Variants in LRMDA observed in about 807,000 individuals in gnomAD.
LRMDA encodes the protein leucine rich melanocyte differentiation associated, also known as leucine-rich melanocyte differentiation-associated protein.
LRMDA carries 18 observed loss-of-function variants against 29.8 expected under a neutral mutation model. That is an observed-to-expected ratio of 0.60 (90% CI 0.42 to 0.90). The LOEUF (loss-of-function observed/expected upper bound fraction) is 0.90. Ranked by LOEUF, LRMDA falls within the 40% of genes least tolerant of loss-of-function variation. The pLI is 0.00. For synonymous variants in LRMDA, 125 were observed against 109.4 expected (o/e 1.14, Z -0.89); for missense variants, 273 against 273.9 (o/e 1.00, Z 0.02).
chr10:75,498,381 C>A (rs1845073075), intron 2 of LRMDA, among the ~76,000 whole-genome samples: 1 of 152,156 alleles, frequency 6.6e-6, no homozygotes, highest in African/African-American at 2.4e-5. Context: ...AGGAAGGGTG[C>A]TCCACGGACT....
chr10:75,470,325 C>T (rs1007568223), intron 2 of LRMDA, among the ~76,000 whole-genome samples: 4 of 152,096 alleles, frequency 2.6e-5, no homozygotes, highest in South Asian at 2.1e-4. Flanking sequence ...GGCAAAATCT[C>T]GTCTCTACTA....
At chr10:75,999,434 A>AT (rs997694913) in intron 2 of LRMDA, among the ~76,000 whole-genome samples, 5 of 152,206 alleles carry the variant, frequency 3.3e-5, no homozygotes, top group South Asian at 2.1e-4. Flanking sequence ...CAGTTGCAGA[A>AT]TTTTTTTCCC....
intron 6 of LRMDA, among the ~76,000 whole-genome samples, chr10:76,544,734 ACACACACAC>A (rs1843399526): frequency 6.6e-6 from 1 of 151,684 alleles, no homozygotes; most frequent in African/African-American, 2.4e-5. Context: ...ACACACACAC[ACACACACAC>A]ACACACACAC....
chr10:76,481,930 T>G (rs553514802), intron 6 of LRMDA, among the ~76,000 whole-genome samples: 1 of 152,064 alleles, frequency 6.6e-6, no homozygotes, highest in African/African-American at 2.4e-5. Flanking sequence ...GACCTCCATG[T>G]ATTGCTTGAT....
intron 2 of LRMDA, among the ~76,000 whole-genome samples, chr10:75,701,302 A>T (rs192665501): frequency 1.3e-5 from 2 of 152,264 alleles, no homozygotes; most frequent in Non-Finnish European, 2.9e-5. Context: ...GAATAGAAAT[A>T]AAATTCATAC....
At chr10:75,512,382 G>A (rs1305255160) in intron 2 of LRMDA, among the ~76,000 whole-genome samples, 1 of 151,476 alleles carries the variant, frequency 6.6e-6, no homozygotes, top group African/African-American at 2.4e-5. Context: ...TTCTCCAGCT[G>A]ACAGAGTATG....
At chr10:76,415,930 A>G (rs898228743) in intron 6 of LRMDA, among the ~76,000 whole-genome samples, 4 of 152,206 alleles carry the variant, frequency 2.6e-5, no homozygotes, top group Non-Finnish European at 2.9e-5. Context: ...GCTTTGTAGA[A>G]GGGGAAATGT....
intron 5 of LRMDA, among the ~76,000 whole-genome samples, chr10:76,192,031 A>G (rs1851256482): frequency 1.3e-5 from 2 of 152,168 alleles, no homozygotes; most frequent in Admixed American, 6.5e-5. Context: ...TGGGGAAAAC[A>G]TCTATGGAGT....
intron 2 of LRMDA, among the ~76,000 whole-genome samples, chr10:75,689,477 G>A (rs957246805): frequency 6.6e-6 from 1 of 152,182 alleles, no homozygotes; most frequent in Non-Finnish European, 1.5e-5. Context: ...TGAGTCGTAA[G>A]GGGATCCCTG....
intron 6 of LRMDA, among the ~76,000 whole-genome samples, chr10:76,379,161 T>TTGTGTGTG (rs57245101): frequency 0.11 from 15,216 of 137,748 alleles, 983 homozygotes; most frequent in Admixed American, 0.16. Flanking sequence ...CTGGCCTTCT[T>TTGTGTGTG]TGTGTGTGTG....
chr10:76,155,941 G>C (rs565381812), intron 5 of LRMDA, among the ~76,000 whole-genome samples: 1 of 152,190 alleles, frequency 6.6e-6, no homozygotes. Context: ...AGCAACTCAA[G>C]GTCTAATTGT....
At chr10:75,439,418 C>A (rs1001182149) in intron 2 of LRMDA, among the ~76,000 whole-genome samples, 1 of 152,164 alleles carries the variant, frequency 6.6e-6, no homozygotes, top group Non-Finnish European at 1.5e-5. Context: ...TGCTTCTAGG[C>A]CTTGGAGTCT....
intron 5 of LRMDA, among the ~76,000 whole-genome samples, chr10:76,245,006 G>C (rs530054848): frequency 5.3e-5 from 8 of 152,160 alleles, no homozygotes; most frequent in Non-Finnish European, 1.2e-4. Context: ...TCACAGTGAG[G>C]TTGTTGGAGC....
intron 2 of LRMDA, among the ~76,000 whole-genome samples, chr10:75,580,446 T>C (rs916111046): frequency 6.6e-6 from 1 of 152,242 alleles, no homozygotes. Context: ...GAACATTCCA[T>C]GCTCATGGAT....
chr10:76,301,425 C>T (rs186115629), intron 5 of LRMDA, among the ~76,000 whole-genome samples: 5 of 152,284 alleles, frequency 3.3e-5, no homozygotes, highest in East Asian at 1.9e-4. Flanking sequence ...TCCCACAGGA[C>T]GAAGAAGCGC....
chr10:75,741,375 C>T (rs1286177608), intron 2 of LRMDA, among the ~76,000 whole-genome samples: 1 of 152,108 alleles, frequency 6.6e-6, no homozygotes, highest in Admixed American at 6.5e-5. Flanking sequence ...GTTGACTCCT[C>T]CTTACCTTTC....
intron 2 of LRMDA, among the ~76,000 whole-genome samples, chr10:75,976,695 G>A (rs1847077443): frequency 6.6e-6 from 1 of 152,182 alleles, no homozygotes. Context: ...TGTTTACAAT[G>A]ACCACAGGAT....
chr10:75,831,710 A>G (rs867262702), intron 2 of LRMDA, among the ~76,000 whole-genome samples: 11 of 152,286 alleles, frequency 7.2e-5, no homozygotes, highest in African/African-American at 2.4e-4. Context: ...CCCCTGCAGC[A>G]AACTTTTGCC....
chr10:75,608,407 T>C (rs1254078150), intron 2 of LRMDA, among the ~76,000 whole-genome samples: 1 of 152,056 alleles, frequency 6.6e-6, no homozygotes, highest in Non-Finnish European at 1.5e-5. Flanking sequence ...TCTGGAGACC[T>C]AAATGTACAG....
Sources: allele counts gnomAD v4.1 joint callset (sites outside exome capture counted in the v4.1 genomes callset), GRCh38; gene constraint gnomAD v4.1.1; transcripts MANE v1.5; gene names NCBI Gene and HGNC (gene_info 2026-07-23, HGNC 2026-07-21).